DNM3: variants seen among roughly 807,000 people sequenced by gnomAD.
DNM3 encodes dynamin-3.
In DNM3, 47 loss-of-function variants were observed where a neutral mutation model predicts 101.6. The ratio of observed to expected loss-of-function variants is 0.46; its 90% CI spans 0.37 to 0.59. The LOEUF (loss-of-function observed/expected upper bound fraction) is 0.59. Among genes scored for constraint, DNM3 ranks in the 20% least tolerant of loss-of-function variants. DNM3 has a pLI of 0.00. For synonymous variants in DNM3, 385 were observed against 387.9 expected (o/e 0.99, Z 0.09); for missense variants, 849 against 1,085.7 (o/e 0.78, Z 3.06).
chr1:171,850,770 T>TC (rs2032846598), intron 1 of DNM3, among the ~76,000 whole-genome samples: 1 of 151,808 alleles, frequency 6.6e-6, no homozygotes, highest in East Asian at 1.9e-4. Flanking sequence ...GGGCTTTGTT[T>TC]TTTTTTTTTT....
intron 3 of DNM3, 114 bp downstream of exon 3, chr1:171,987,919 T>A: frequency 3.0e-6 from 3 of 991,076 alleles, no homozygotes; most frequent in Non-Finnish European, 4.1e-6. Flanking sequence ...AGGGTATCCT[T>A]TGGATACTGC....
At chr1:172,122,057 A>G (rs1023574835) in intron 13 of DNM3, among the ~76,000 whole-genome samples, 1 of 152,210 alleles carries the variant, frequency 6.6e-6, no homozygotes, top group Non-Finnish European at 1.5e-5. Flanking sequence ...TGTGTTCATT[A>G]TACATTAAAG....
intron 15 of DNM3, among the ~76,000 whole-genome samples, chr1:172,281,091 G>GTGTGTA (rs372595171): frequency 2.6e-5 from 4 of 151,880 alleles, no homozygotes; most frequent in African/African-American, 9.7e-5. Context: ...GTGTGTGTGT[G>GTGTGTA]TATGTGTGAT....
chr1:171,881,602 C>CT (rs2036273218), intron 1 of DNM3, among the ~76,000 whole-genome samples: 1 of 152,116 alleles, frequency 6.6e-6, no homozygotes, highest in Non-Finnish European at 1.5e-5. Context: ...GGTCAGGGAG[C>CT]TGGAGAGTCA....
At position 172,020,024 on chromosome 1, in the gene DNM3, G is replaced by A. The variant is rs181463224; in HGVS notation, c.590-12378G>A. Among the ~76,000 whole-genome samples, 161 of 151,472 alleles carry A rather than the reference G, an allele frequency of 1.1e-3. 3 individuals are homozygous for A. Among genetic ancestry groups the A allele is most frequent in the Non-Finnish European group, 5.9e-4 (40 of 67,880 alleles). ...CTCAAACTGTGGGGTTTTTTTCTTC[G>A]CCTTTTAATATGCCTTGTAATTTTT... On this transcript the variant is annotated intron_variant, in intron 4 of 20. Transcript: ENST00000627582.
At chr1:172,323,054 G>A (rs141834478) in intron 16 of DNM3, among the ~76,000 whole-genome samples, 1 of 152,088 alleles carries the variant, frequency 6.6e-6, no homozygotes, top group Non-Finnish European at 1.5e-5. Context: ...AGAAAGAAAG[G>A]GGGCAACTGT....
chr1:172,244,888 A>C (rs897536286), intron 14 of DNM3, among the ~76,000 whole-genome samples: 1 of 152,232 alleles, frequency 6.6e-6, no homozygotes, highest in Non-Finnish European at 1.5e-5. Context: ...TCATGCTGCT[A>C]TAAAGTTATA....
intron 15 of DNM3, among the ~76,000 whole-genome samples, chr1:172,307,391 T>G (rs564809918): frequency 6.6e-6 from 1 of 152,192 alleles, no homozygotes; most frequent in East Asian, 1.9e-4. Flanking sequence ...CTGGAGAGGA[T>G]GTGGAGAAAT....
chr1:172,057,109 G>A lies in DNM3; in HGVS notation c.1335+8359G>A, dbSNP rs796696284. 5.2e-4 allele frequency among the ~76,000 whole-genome samples: 79 copies of A among 152,136 alleles called. No homozygotes were observed. The South Asian group carries it at 6.4e-3, about 12-fold the overall frequency. ...AAGGGTATCAGCAATGGAAGATGAA[G>A]TGAATGAAATGAAGCGAGAAGGGAA... On this transcript the variant is annotated intron_variant, in intron 10 of 20. Transcript: ENST00000627582.
At chr1:172,213,989 AG>A (rs1392889153) in intron 14 of DNM3, among the ~76,000 whole-genome samples, 1 of 152,134 alleles carries the variant, frequency 6.6e-6, no homozygotes, top group African/African-American at 2.4e-5. Context: ...TCACTCCTTC[AG>A]GTAGAAACGT....
At position 172,409,756 on chromosome 1, in the gene DNM3, C is replaced by T; in HGVS notation, c.*1915C>T. 5.1e-6 allele frequency: 5 copies of T among 985,550 alleles called. No individual in the cohort carries two copies. Among genetic ancestry groups the T allele is most frequent in the Non-Finnish European group, 6.0e-6 (5 of 829,762 alleles). 61.1% of individuals were successfully genotyped at this position (985,550 alleles called of 1,614,324 possible). A position where few individuals can be genotyped will look rare whatever the true frequency, so the allele number is the denominator to read the frequency against. Reference sequence around the variant, plus strand: ...TATAAAACTTCTTGTTTTTAGGATTCCCTTTGCTTCTTCCTTTGAATTCTC... The same window carrying T: ...TATAAAACTTCTTGTTTTTAGGATTTCCTTTGCTTCTTCCTTTGAATTCTC... On this transcript the variant is annotated 3_prime_UTR_variant, in exon 21 of 21. Coordinates refer to ENST00000627582, the MANE Select transcript of DNM3 (RefSeq NM_015569.5).
intron 17 of DNM3, among the ~76,000 whole-genome samples, chr1:172,346,450 G>T (rs1176248574): frequency 1.3e-5 from 2 of 152,198 alleles, no homozygotes; most frequent in African/African-American, 4.8e-5. Context: ...GAAGAGCACT[G>T]TGGAATCAGT....
At chr1:172,022,891 G>T (rs947316186) in intron 4 of DNM3, among the ~76,000 whole-genome samples, 3 of 151,998 alleles carry the variant, frequency 2.0e-5, no homozygotes, top group Non-Finnish European at 2.9e-5. Flanking sequence ...TCTACTAAAA[G>T]AATCATATTT....
At chr1:172,397,880 AT>A (rs2070146154) in intron 20 of DNM3, among the ~76,000 whole-genome samples, 1 of 152,194 alleles carries the variant, frequency 6.6e-6, no homozygotes, top group African/African-American at 2.4e-5. Context: ...CATGCCAATA[AT>A]TATTGCTACT....
chr1:171,906,913 T>A (rs2038881909), intron 1 of DNM3, among the ~76,000 whole-genome samples: 1 of 152,238 alleles, frequency 6.6e-6, no homozygotes, highest in Admixed American at 6.5e-5. Context: ...ATAGCCAAGA[T>A]AATACAGTCT....
chr1:172,092,152 C>G (rs1302494700), intron 12 of DNM3, among the ~76,000 whole-genome samples: 1 of 151,930 alleles, frequency 6.6e-6, no homozygotes, highest in South Asian at 2.1e-4. Context: ...CATTAAATAC[C>G]CAAGTGATGA....
chr1:172,150,750 T>A lies in DNM3; in HGVS notation c.1659+19462T>A, dbSNP rs535887836. Reference sequence around the variant, plus strand: ...GGCAAATTATTTAACTTTTCTGACCTCTGGTTTTCTCATCTCTAAAACAGG... The same window carrying A: ...GGCAAATTATTTAACTTTTCTGACCACTGGTTTTCTCATCTCTAAAACAGG... On this transcript the variant is annotated intron_variant, in intron 14 of 20. Transcript: ENST00000627582. Among the ~76,000 whole-genome samples the A allele has an allele frequency of 5.3e-5, 8 of 152,328 alleles. No individual in the cohort carries two copies. In the South Asian group the frequency reaches 1.0e-3, roughly 20 times the overall value.
chr1:172,050,413 G>A (rs533028094), intron 10 of DNM3, among the ~76,000 whole-genome samples: 3 of 152,082 alleles, frequency 2.0e-5, no homozygotes, highest in Non-Finnish European at 2.9e-5. Context: ...GTTGTGCTGT[G>A]TCTGTTCCCA....
intron 15 of DNM3, chr1:172,289,510 G>A (rs1012455606): frequency 4.6e-5 from 42 of 912,166 alleles, no homozygotes; most frequent in African/African-American, 1.8e-5. Flanking sequence ...CTGTTTTATT[G>A]TCTGATTCAT....
Sources: allele counts gnomAD v4.1 joint callset (sites outside exome capture counted in the v4.1 genomes callset), GRCh38; gene constraint gnomAD v4.1.1; transcripts MANE v1.5; gene names NCBI Gene and HGNC (gene_info 2026-07-23, HGNC 2026-07-21).